The following CALN1 variants were observed in gnomAD, a reference collection of about 807,000 sequenced individuals.
CALN1 encodes calcium-binding protein 8.
Under a neutral mutation model 30.6 loss-of-function variants are expected in CALN1, and 17 were observed. That is an observed-to-expected ratio of 0.56 (90% CI 0.38 to 0.83). The LOEUF is 0.83. CALN1 is among the 40% of genes least tolerant of loss of function. The pLI is 0.00. For missense variants in CALN1, 291 were observed against 354.9 expected (o/e 0.82, Z 1.45); for synonymous variants, 156 against 131.4 (o/e 1.19, Z -1.28).
At chr7:72,164,820 T>C (rs528730324) in intron 3 of CALN1, among the ~76,000 whole-genome samples, 95 of 152,292 alleles carry the variant, frequency 6.2e-4, no homozygotes, top group African/African-American at 2.1e-3. Context: ...CGTACCACCA[T>C]GCCTGGCTAA....
intron 2 of CALN1, among the ~76,000 whole-genome samples, chr7:72,402,144 CAG>C (rs1806384711): frequency 6.6e-6 from 1 of 151,818 alleles, no homozygotes; most frequent in Admixed American, 6.5e-5. Context: ...GATGCTTCCT[CAG>C]AGGCTAAGAG....
chr7:72,228,791 T>G (rs1793871801), intron 3 of CALN1, among the ~76,000 whole-genome samples: 1 of 151,480 alleles, frequency 6.6e-6, no homozygotes, highest in African/African-American at 2.4e-5. Flanking sequence ...AGACAAGGTC[T>G]TGCTCTATAG....
At chr7:71,905,303 T>C (rs1317628296) in intron 5 of CALN1, among the ~76,000 whole-genome samples, 1 of 152,088 alleles carries the variant, frequency 6.6e-6, no homozygotes, top group Non-Finnish European at 1.5e-5. Flanking sequence ...TTTTGTTATA[T>C]GGATGAATTA....
intron 4 of CALN1, among the ~76,000 whole-genome samples, chr7:72,042,164 A>T (rs1260484257): frequency 1.3e-5 from 2 of 152,140 alleles, no homozygotes; most frequent in African/African-American, 4.8e-5. Flanking sequence ...GGAGAAATTA[A>T]GGTTAAATTG....
intron 4 of CALN1, among the ~76,000 whole-genome samples, chr7:72,031,957 G>A (rs1801473370): frequency 6.6e-6 from 1 of 150,776 alleles, no homozygotes; most frequent in Non-Finnish European, 1.5e-5. Context: ...TGGCCAGGCT[G>A]GTCTCAAACT....
chr7:72,495,080 C>T, the CALN1 span, among the ~76,000 whole-genome samples: 1 of 152,128 alleles, frequency 6.6e-6, no homozygotes, highest in African/African-American at 2.4e-5. Flanking sequence ...AGGGAGGGAC[C>T]CACACAAGTG....
At chr7:72,273,067 G>C (rs1325747822) in intron 3 of CALN1, among the ~76,000 whole-genome samples, 1 of 151,398 alleles carries the variant, frequency 6.6e-6, no homozygotes, top group Non-Finnish European at 1.5e-5. Context: ...CCTCTGCCCA[G>C]AGCCATGGGC....
chr7:71,882,287 A>G (rs1049086474), intron 5 of CALN1, among the ~76,000 whole-genome samples: 1 of 152,090 alleles, frequency 6.6e-6, no homozygotes, highest in Non-Finnish European at 1.5e-5. Context: ...TCTTCTCTCT[A>G]TCTACCTGGC....
chr7:72,352,860 A>T (rs1803007819), intron 2 of CALN1, among the ~76,000 whole-genome samples: 2 of 152,154 alleles, frequency 1.3e-5, no homozygotes, highest in South Asian at 4.1e-4. Context: ...CCTGTAGCTA[A>T]CTAGATTTGA....
intron 3 of CALN1, among the ~76,000 whole-genome samples, chr7:72,127,855 G>T (rs961299484): frequency 2.6e-5 from 4 of 152,138 alleles, no homozygotes; most frequent in Admixed American, 6.6e-5. Flanking sequence ...GCACATTTTT[G>T]AGATAACTAG....
At chr7:71,790,321 AGAAAGAAG>A (rs1454418263) in intron 6 of CALN1, among the ~76,000 whole-genome samples, 3 of 147,494 alleles carry the variant, frequency 2.0e-5, no homozygotes, top group African/African-American at 7.8e-5. Flanking sequence ...GAAGAAAGAA[AGAAAGAAG>A]GAAAGAAAGA....
At chr7:72,008,652 T>C (rs1262769718) in intron 5 of CALN1, among the ~76,000 whole-genome samples, 3 of 144,560 alleles carry the variant, frequency 2.1e-5, no homozygotes, top group Non-Finnish European at 4.4e-5. Flanking sequence ...ATGAGAAGAC[T>C]TTCAATTTTT....
chr7:71,895,430 A>G (rs558063149), intron 5 of CALN1, among the ~76,000 whole-genome samples: 1 of 152,204 alleles, frequency 6.6e-6, no homozygotes, highest in African/African-American at 2.4e-5. Flanking sequence ...AATTGTCTAC[A>G]ACTTTCAGAA....
chr7:72,087,135 A>G (rs897199542), intron 4 of CALN1, among the ~76,000 whole-genome samples: 5 of 152,222 alleles, frequency 3.3e-5, no homozygotes, highest in African/African-American at 1.2e-4. Context: ...GTACTATTAA[A>G]GTCAGAAACA....
intron 4 of CALN1, among the ~76,000 whole-genome samples, chr7:72,053,105 C>T (rs1002255578): frequency 6.6e-6 from 1 of 152,232 alleles, no homozygotes; most frequent in Non-Finnish European, 1.5e-5. Flanking sequence ...TGACGGGAGC[C>T]TGTAATCCCA....
At chr7:72,355,272 T>A in intron 2 of CALN1, among the ~76,000 whole-genome samples, 1 of 152,158 alleles carries the variant, frequency 6.6e-6, no homozygotes, top group Admixed American at 6.5e-5. Context: ...ACACCTATAA[T>A]CTCAGCACTT....
intron 1 of CALN1, among the ~76,000 whole-genome samples, chr7:72,438,848 T>A (rs1330889570): frequency 5.3e-5 from 8 of 152,236 alleles, no homozygotes; most frequent in Admixed American, 4.6e-4. Context: ...TTATATTTTA[T>A]GTTTCATTAC....
intron 5 of CALN1, among the ~76,000 whole-genome samples, chr7:71,813,737 G>A (rs1788098491): frequency 1.3e-5 from 2 of 152,016 alleles, no homozygotes; most frequent in Admixed American, 1.3e-4. Flanking sequence ...AGACCATCCT[G>A]GCTAACATGG....
At chr7:72,015,776 C>T (rs921442369) in intron 5 of CALN1, among the ~76,000 whole-genome samples, 16 of 152,112 alleles carry the variant, frequency 1.1e-4, no homozygotes, top group African/African-American at 3.4e-4. Context: ...CCAGGTATTA[C>T]TAATGCTGCT....
Sources: gnomAD v4.1 joint callset for allele counts (sites outside exome capture counted in the v4.1 genomes callset) on GRCh38, gnomAD v4.1.1 for gene constraint, MANE v1.5 for transcripts, NCBI Gene and HGNC (gene_info 2026-07-23, HGNC 2026-07-21) for gene names.